Variants in GPR158 observed in about 807,000 individuals in gnomAD.
GPR158 encodes G protein-coupled receptor 158.
In GPR158, 30 loss-of-function variants were observed where a neutral mutation model predicts 78.2. The ratio of observed to expected loss-of-function variants is 0.38; its 90% CI spans 0.29 to 0.52. The LOEUF is 0.52. Among genes scored for constraint, GPR158 ranks in the 20% least tolerant of loss-of-function variants. The probability of loss-of-function intolerance (pLI) is 0.83; values close to 1 mark genes in which losing one functional copy is unlikely to be tolerated. For missense variants in GPR158, 1,463 were observed against 1,523.5 expected (o/e 0.96, Z 0.66); for synonymous variants, 581 against 591.1 (o/e 0.98, Z 0.25).
At chr10:25,581,680 T>C (rs899578974) in intron 7 of GPR158, among the ~76,000 whole-genome samples, 2 of 152,130 alleles carry the variant, frequency 1.3e-5, no homozygotes, top group African/African-American at 4.8e-5. Flanking sequence ...TCAAATAGCA[T>C]GTGTGAATTT....
At chr10:25,292,677 T>C (rs954683444) in intron 2 of GPR158, among the ~76,000 whole-genome samples, 2 of 152,130 alleles carry the variant, frequency 1.3e-5, no homozygotes, top group Admixed American at 6.5e-5. Flanking sequence ...TTTAAAGATA[T>C]AAGCCTAAAT....
intron 2 of GPR158, among the ~76,000 whole-genome samples, chr10:25,242,056 A>C (rs1354495901): frequency 1.3e-5 from 2 of 152,392 alleles, no homozygotes; most frequent in East Asian, 3.9e-4. Context: ...AAACATGGCA[A>C]TTTAATAAGA....
chr10:25,320,470 G>A (rs1243410652), intron 2 of GPR158, among the ~76,000 whole-genome samples: 1 of 152,174 alleles, frequency 6.6e-6, no homozygotes, highest in Admixed American at 6.5e-5. Context: ...TGGGCTGTTC[G>A]CTTGTTAAAA....
chr10:25,563,095 G>A (rs1836879607), intron 6 of GPR158, among the ~76,000 whole-genome samples: 1 of 129,748 alleles, frequency 7.7e-6, no homozygotes, highest in African/African-American at 3.6e-5. Context: ...TAGCTACTTT[G>A]GTTATTATTT....
At chr10:25,374,246 A>G (rs915964697) in intron 2 of GPR158, among the ~76,000 whole-genome samples, 1 of 151,482 alleles carries the variant, frequency 6.6e-6, no homozygotes, top group African/African-American at 2.4e-5. Flanking sequence ...TATATATAAT[A>G]TGTAGTTTTT....
intron 6 of GPR158, among the ~76,000 whole-genome samples, chr10:25,565,217 C>G (rs1047265578): frequency 6.6e-6 from 1 of 152,138 alleles, no homozygotes; most frequent in African/African-American, 2.4e-5. Context: ...CCTTCATGTG[C>G]TAGATTCTGT....
chr10:25,520,972 C>T (rs1444809103), intron 5 of GPR158, among the ~76,000 whole-genome samples: 8 of 152,318 alleles, frequency 5.3e-5, no homozygotes, highest in Admixed American at 1.3e-4. Context: ...GCCTCGCTGG[C>T]GCCTTGCAGT....
At chr10:25,538,684 T>C (rs1836534103) in intron 5 of GPR158, among the ~76,000 whole-genome samples, 1 of 152,210 alleles carries the variant, frequency 6.6e-6, no homozygotes, top group Admixed American at 6.5e-5. Context: ...TACACATAAA[T>C]GTTGAGCATA....
chr10:25,203,813 G>C (rs1852970683), intron 1 of GPR158, among the ~76,000 whole-genome samples: 1 of 144,506 alleles, frequency 6.9e-6, no homozygotes, highest in South Asian at 2.4e-4. Context: ...TTGGTAGCTT[G>C]ATGGGGATGG....
chr10:25,279,432 A>G (rs2225668), intron 2 of GPR158, among the ~76,000 whole-genome samples: 1,937 of 152,222 alleles, frequency 0.013, 29 homozygotes, highest in South Asian at 0.057. Context: ...TTAGGTGCAC[A>G]GACCGAGTCC....
intron 5 of GPR158, among the ~76,000 whole-genome samples, chr10:25,542,152 C>G (rs1836595793): frequency 1.3e-5 from 2 of 151,804 alleles, no homozygotes; most frequent in African/African-American, 4.8e-5. Context: ...TAAAACTGTT[C>G]TCACACTCTC....
intron 2 of GPR158, among the ~76,000 whole-genome samples, chr10:25,324,034 C>T (rs1031665067): frequency 6.6e-6 from 1 of 152,200 alleles, no homozygotes; most frequent in Non-Finnish European, 1.5e-5. Flanking sequence ...GGTTACAGAT[C>T]AAGGGAATGT....
At chr10:25,350,124 T>TA (rs113016555) in intron 2 of GPR158, among the ~76,000 whole-genome samples, 13,405 of 147,016 alleles carry the variant, frequency 0.091, 1,558 homozygotes, top group African/African-American at 0.28. Context: ...CCTGGCTGAT[T>TA]AAAAAAAAAA....
At chr10:25,235,033 G>C (rs568179926) in intron 2 of GPR158, among the ~76,000 whole-genome samples, 4 of 152,070 alleles carry the variant, frequency 2.6e-5, no homozygotes, top group Non-Finnish European at 5.9e-5. Flanking sequence ...TCTTTAAATA[G>C]GTAAAATAAT....
intron 9 of GPR158, among the ~76,000 whole-genome samples, chr10:25,595,929 A>G (rs1352574132): frequency 6.6e-6 from 1 of 152,188 alleles, no homozygotes; most frequent in African/African-American, 2.4e-5. Flanking sequence ...TTAAAATATT[A>G]TAGAGGGGCA....
At chr10:25,369,098 T>G (rs1177397592) in intron 2 of GPR158, among the ~76,000 whole-genome samples, 13 of 151,728 alleles carry the variant, frequency 8.6e-5, no homozygotes, top group Admixed American at 6.6e-4. Context: ...AGATATACAA[T>G]CATGTCATCT....
At chr10:25,522,857 T>C (rs1363602310) in intron 5 of GPR158, among the ~76,000 whole-genome samples, 2 of 152,136 alleles carry the variant, frequency 1.3e-5, no homozygotes, top group Admixed American at 1.3e-4. Context: ...AGACCCATAG[T>C]GATTGTAACA....
chr10:25,477,475 C>T (rs1835604301), intron 5 of GPR158, among the ~76,000 whole-genome samples: 1 of 152,104 alleles, frequency 6.6e-6, no homozygotes, highest in Non-Finnish European at 1.5e-5. Flanking sequence ...TCCCTCAACC[C>T]TGCAATCTGC....
rs188322149 is a variant in GPR158, at chr10:25,448,382, G to A, written c.1336-18269G>A. 7.2e-5 allele frequency among the ~76,000 whole-genome samples: 11 copies of A among 152,226 alleles called. No homozygotes were observed. In the East Asian group the frequency reaches 7.7e-4, roughly 11 times the overall value. On this transcript the variant is annotated intron_variant, in intron 4 of 10. Transcript: ENST00000376351. ...TGGGATTACAGGCGTGAGCCACCAC[G>A]GCTGGCCGTATCTGACTTCTTTAGT...
Sources: gnomAD v4.1 joint callset for allele counts (sites outside exome capture counted in the v4.1 genomes callset) on GRCh38, gnomAD v4.1.1 for gene constraint, MANE v1.5 for transcripts, NCBI Gene and HGNC (gene_info 2026-07-23, HGNC 2026-07-21) for gene names.